The following TIAM2 variants were observed in gnomAD, a reference collection of about 807,000 sequenced individuals.
TIAM2 encodes TIAM Rac1 associated GEF 2, also known as rho guanine nucleotide exchange factor TIAM2.
Under a neutral mutation model 152.9 loss-of-function variants are expected in TIAM2, and 80 were observed. That is an observed-to-expected ratio of 0.52 (90% CI 0.44 to 0.63). The LOEUF (loss-of-function observed/expected upper bound fraction) is 0.63, where lower values mean the gene tolerates loss of function less well. Ranked by LOEUF, TIAM2 falls within the 30% of genes least tolerant of loss-of-function variation. TIAM2 has a pLI of 0.00. For synonymous variants in TIAM2, 804 were observed against 838.0 expected (o/e 0.96, Z 0.70); for missense variants, 1,965 against 2,120.1 (o/e 0.93, Z 1.44).
chr6:155,180,660 T>G (rs1228565232), intron 12 of TIAM2, among the ~76,000 whole-genome samples: 1 of 152,062 alleles, frequency 6.6e-6, no homozygotes, highest in Non-Finnish European at 1.5e-5. Flanking sequence ...TGGAGTGCAG[T>G]GGCATGATCT....
At chr6:155,109,558 T>C (rs1778786065) in intron 2 of TIAM2, among the ~76,000 whole-genome samples, 1 of 152,194 alleles carries the variant, frequency 6.6e-6, no homozygotes, top group Admixed American at 6.5e-5. Flanking sequence ...GGAATGTCTT[T>C]TTATTACTCA....
rs1562369526 is a variant in TIAM2 at position 155,243,511 on chromosome 6, CTT to C, written c.3349-498_3349-497del. 3.9e-5 allele frequency among the ~76,000 whole-genome samples: 6 copies of C among 152,264 alleles called. No individual in the cohort carries two copies. In the South Asian group the frequency reaches 1.0e-3, roughly 26 times the overall value. On this transcript the variant is annotated intron_variant, in intron 16 of 26. Coordinates refer to ENST00000682666, the MANE Select transcript of TIAM2 (RefSeq NM_012454.4). ...GTTGCCTGTATTGTGATATTAAACT[CTT>C]TGAATTAGGTGAGCAATAATCACTA...
At chr6:155,005,929 C>T (rs903611430) in intron 1 of TIAM2, among the ~76,000 whole-genome samples, 2 of 152,178 alleles carry the variant, frequency 1.3e-5, no homozygotes, top group Non-Finnish European at 2.9e-5. Context: ...GCATCACAGG[C>T]GTGAGCCACT....
At chr6:155,076,884 C>A (rs1157295692) in intron 1 of TIAM2, among the ~76,000 whole-genome samples, 1 of 152,118 alleles carries the variant, frequency 6.6e-6, no homozygotes, top group Admixed American at 6.6e-5. Context: ...TTAGTAGAGA[C>A]GGAGTTCTGC....
intron 1 of TIAM2, among the ~76,000 whole-genome samples, chr6:155,017,482 A>G (rs1166117007): frequency 6.7e-6 from 1 of 149,898 alleles, no homozygotes; most frequent in African/African-American, 2.5e-5. Context: ...TACTGCTTCT[A>G]CAAGATCACC....
chr6:155,216,003 C>A (rs369220831), intron 15 of TIAM2, among the ~76,000 whole-genome samples: 84 of 152,128 alleles, frequency 5.5e-4, no homozygotes, highest in African/African-American at 2.0e-3. Flanking sequence ...GAGACTAGGT[C>A]TCACTGTGTT....
chr6:155,202,004 C>G (rs1252648132), intron 14 of TIAM2, among the ~76,000 whole-genome samples: 1 of 147,336 alleles, frequency 6.8e-6, no homozygotes, highest in African/African-American at 2.6e-5. Flanking sequence ...CAGACTGCTG[C>G]TTTGAATTTC....
intron 1 of TIAM2, among the ~76,000 whole-genome samples, chr6:155,014,535 A>G (rs910404569): frequency 2.0e-5 from 3 of 152,180 alleles, no homozygotes; most frequent in South Asian, 2.1e-4. Context: ...ATCACAAGAC[A>G]GATGTAATTG....
In TIAM2 at chr6:155,156,721, A is replaced by G. The variant is rs749724113; in HGVS notation, c.2029-7694A>G. On this transcript the variant is annotated intron_variant, in intron 7 of 26. Coordinates refer to ENST00000682666, the MANE Select transcript of TIAM2 (RefSeq NM_012454.4). This position sits in a 1 kb window ranked among gnomAD's most constrained non-coding sequence, Gnocchi z 4.4. ...ACATGTGATCCTGTGATTGCCAGAT[A>G]AAGTCCCTGATAACCTCTCCCCACC... 1.7e-4 allele frequency among the ~76,000 whole-genome samples: 26 copies of G among 152,184 alleles called. No homozygotes were observed. Among genetic ancestry groups the G allele is most frequent in the Non-Finnish European group, 3.1e-4 (21 of 68,026 alleles).
In TIAM2 at chr6:155,143,120, C is replaced by A. The variant is rs554217266; in HGVS notation, c.1631-1486C>A. The stretch of plus-strand genomic sequence containing the variant: ...GTCAATGTGAAAGGCACTTGCGAAG[C>A]ACCCAGATGGTGGTCATGTCATTGT... On this transcript the variant is annotated intron_variant, in intron 5 of 26. Coordinates refer to ENST00000682666, the MANE Select transcript of TIAM2 (RefSeq NM_012454.4). 2.0e-5 allele frequency among the ~76,000 whole-genome samples: 3 copies of A among 152,322 alleles called. No homozygotes were observed. The South Asian group carries it at 6.2e-4, about 32-fold the overall frequency.
intron 1 of TIAM2, among the ~76,000 whole-genome samples, chr6:155,037,656 G>A (rs938959011): frequency 1.2e-4 from 18 of 152,110 alleles, no homozygotes; most frequent in African/African-American, 4.3e-4. Flanking sequence ...AGCCTCCTGA[G>A]TAGCTGGGAT....
chr6:155,226,845 G>A (rs1782265918), intron 15 of TIAM2, among the ~76,000 whole-genome samples: 1 of 152,172 alleles, frequency 6.6e-6, no homozygotes, highest in Admixed American at 6.5e-5. Flanking sequence ...GTGAAACTGG[G>A]GCTTGGTTTC....
At chr6:155,192,984 T>G (rs2115169651) in intron 14 of TIAM2, among the ~76,000 whole-genome samples, 1 of 152,366 alleles carries the variant, frequency 6.6e-6, no homozygotes, top group African/African-American at 2.4e-5. Flanking sequence ...TTCATTGGCC[T>G]ATCTTGTACT....
At chr6:155,107,758 G>C (rs1166956262) in intron 2 of TIAM2, among the ~76,000 whole-genome samples, 2 of 152,264 alleles carry the variant, frequency 1.3e-5, no homozygotes, top group Non-Finnish European at 2.9e-5. Flanking sequence ...TGGGAGGGGG[G>C]TACTTGTTTA....
At chr6:155,067,630 ATGATGATGATGT>A (rs1239707682) in intron 1 of TIAM2, among the ~76,000 whole-genome samples, 1 of 127,104 alleles carries the variant, frequency 7.9e-6, no homozygotes, top group Non-Finnish European at 1.9e-5. Flanking sequence ...AGGGTTAGGG[ATGATGATGATGT>A]TGATGATGAT....
At chr6:155,236,001 T>A (rs1354796237) in intron 15 of TIAM2, among the ~76,000 whole-genome samples, 1 of 152,148 alleles carries the variant, frequency 6.6e-6, no homozygotes, top group Non-Finnish European at 1.5e-5. Flanking sequence ...TTAATATAGA[T>A]TCTATAGCCC....
At chr6:155,033,144 G>A (rs1172705418) in intron 1 of TIAM2, among the ~76,000 whole-genome samples, 1 of 152,142 alleles carries the variant, frequency 6.6e-6, no homozygotes, top group East Asian at 1.9e-4. Flanking sequence ...AGTACACCTG[G>A]ATGTCATTTT....
chr6:155,164,769 C>T (rs987253579), intron 8 of TIAM2, among the ~76,000 whole-genome samples, 169 bp downstream of exon 8: 4 of 152,238 alleles, frequency 2.6e-5, no homozygotes, highest in South Asian at 2.1e-4. Flanking sequence ...GACCAGACGT[C>T]GTGCTGTAGA....
chr6:155,028,274 AT>A (rs1776669447), intron 1 of TIAM2, among the ~76,000 whole-genome samples: 1 of 130,776 alleles, frequency 7.6e-6, no homozygotes, highest in African/African-American at 2.8e-5. Flanking sequence ...TACATATAAT[AT>A]ATGTACTGTG....
Sources: allele counts gnomAD v4.1 joint callset (sites outside exome capture counted in the v4.1 genomes callset), GRCh38; gene constraint gnomAD v4.1.1; non-coding constraint Gnocchi (gnomAD v3.1); transcripts MANE v1.5; gene names NCBI Gene and HGNC (gene_info 2026-07-23, HGNC 2026-07-21).